The following ABCD3 variants were observed in gnomAD, a reference collection of about 807,000 sequenced individuals.
ABCD3 encodes the protein ATP-binding cassette sub-family D member 3.
In ABCD3, 41 loss-of-function variants were observed where a neutral mutation model predicts 105.5. The ratio of observed to expected loss-of-function variants is 0.39; its 90% CI spans 0.30 to 0.50. The LOEUF (loss-of-function observed/expected upper bound fraction) is 0.50. ABCD3 is among the 20% of genes least tolerant of loss of function. The pLI, the probability that ABCD3 is intolerant of heterozygous loss-of-function variation, is 0.84. For synonymous variants in ABCD3, 258 were observed against 269.0 expected (o/e 0.96, Z 0.40); for missense variants, 622 against 806.3 (o/e 0.77, Z 2.77).
intron 1 of ABCD3, among the ~76,000 whole-genome samples, chr1:94,450,846 C>T (rs914198908): frequency 2.6e-5 from 4 of 152,112 alleles, no homozygotes; most frequent in East Asian, 1.9e-4. Context: ...TACAAGTTAC[C>T]CTAGAACTTT....
the ABCD3 span, among the ~76,000 whole-genome samples, chr1:94,387,232 T>C: frequency 6.6e-6 from 1 of 152,236 alleles, no homozygotes; most frequent in South Asian, 2.1e-4. Context: ...CACTTCACTT[T>C]TCTGAGCCTC....
intron 1 of ABCD3, among the ~76,000 whole-genome samples, chr1:94,444,060 A>G (rs1156500241): frequency 6.6e-6 from 1 of 151,982 alleles, no homozygotes; most frequent in Non-Finnish European, 1.5e-5. Context: ...TCGGCTGGGC[A>G]CAGTGGCTCA....
At chr1:94,473,493 C>CT (rs982709272) in intron 4 of ABCD3, among the ~76,000 whole-genome samples, 1 of 151,966 alleles carries the variant, frequency 6.6e-6, no homozygotes, top group Non-Finnish European at 1.5e-5. Flanking sequence ...CCACTTAAGC[C>CT]TTTTTTTAAA....
the ABCD3 span, among the ~76,000 whole-genome samples, chr1:94,389,406 C>T: frequency 1.3e-5 from 2 of 152,156 alleles, no homozygotes; most frequent in Non-Finnish European, 2.9e-5. Context: ...CCTGGCCCAC[C>T]CAGGGCAGAA....
chr1:94,398,702 G>C, the ABCD3 span, among the ~76,000 whole-genome samples: 1 of 152,122 alleles, frequency 6.6e-6, no homozygotes, highest in Non-Finnish European at 1.5e-5. Context: ...TCATGAGGTC[G>C]GGAGTTAGAG....
At chr1:94,496,308 C>T (rs1322478179) in intron 16 of ABCD3, among the ~76,000 whole-genome samples, 1 of 152,124 alleles carries the variant, frequency 6.6e-6, no homozygotes, top group Non-Finnish European at 1.5e-5. Context: ...TTTGACTGCT[C>T]TAGGAATCAC....
At chr1:94,428,993 C>T (rs1218036458) in intron 1 of ABCD3, among the ~76,000 whole-genome samples, 2 of 152,118 alleles carry the variant, frequency 1.3e-5, no homozygotes, top group East Asian at 1.9e-4. Context: ...TGCTGAATGG[C>T]TTTGACAAAA....
intron 20 of ABCD3, among the ~76,000 whole-genome samples, chr1:94,503,373 C>G (rs79825344): frequency 2.7e-3 from 408 of 152,254 alleles, no homozygotes; most frequent in African/African-American, 9.4e-3. Context: ...GCTGCTCTGT[C>G]CTGACCTCCC....
At chr1:94,475,543 A>G (rs1003168517) in intron 6 of ABCD3, 71 bp from the exon 7 acceptor site, 14 of 1,498,820 alleles carry the variant, frequency 9.3e-6, no homozygotes, top group Middle Eastern at 2.3e-4. Context: ...GTGGTGTAAT[A>G]TGATTTTTTT....
the ABCD3 span, among the ~76,000 whole-genome samples, chr1:94,389,183 C>T: frequency 6.6e-6 from 1 of 152,208 alleles, no homozygotes; most frequent in Non-Finnish European, 1.5e-5. Flanking sequence ...CAAAACTATT[C>T]AAAGCCTGTC....
chr1:94,439,680 A>G (rs963191032), intron 1 of ABCD3, among the ~76,000 whole-genome samples: 1 of 152,290 alleles, frequency 6.6e-6, no homozygotes. Flanking sequence ...GTATATTTGT[A>G]TATAATTTGT....
chr1:94,502,506 T>C (rs1650147621), intron 20 of ABCD3, among the ~76,000 whole-genome samples: 1 of 151,658 alleles, frequency 6.6e-6, no homozygotes, highest in African/African-American at 2.4e-5. Flanking sequence ...AGTTTTTTTT[T>C]TTTTTTTTGA....
chr1:94,400,305 T>C, the ABCD3 span, among the ~76,000 whole-genome samples: 1 of 150,902 alleles, frequency 6.6e-6, no homozygotes, highest in Non-Finnish European at 1.5e-5. Context: ...CTCAGGAGGT[T>C]GAGGCAGGAG....
intron 16 of ABCD3, among the ~76,000 whole-genome samples, chr1:94,492,807 G>A (rs996057472): frequency 6.6e-6 from 1 of 152,154 alleles, no homozygotes; most frequent in African/African-American, 2.4e-5. Context: ...AATGAGAAAG[G>A]GGGTTGGGAT....
rs1420138415 is a variant in ABCD3 at position 94,475,200 on chromosome 1, C to T, written c.463C>T (p.Arg155Ter). The change falls in exon 6 of 23, where the codon CGA becomes TGA. Residue 155 changes from arginine to a stop codon, truncating the protein, a stop_gained. Coordinates refer to ENST00000370214, the MANE Select transcript of ABCD3 (RefSeq NM_002858.4). LOFTEE classifies it high-confidence loss of function. ...YGLNELKLCF[R>*]VRLTKYLYEE... ...GTTAAATGAGCTTAAACTGTGCTTC[C>T]GAGTAAGGCTCACTAAATACCTCTA... 4 of 1,604,736 alleles carry T rather than the reference C, an allele frequency of 2.5e-6. No individual in the cohort carries two copies. Among genetic ancestry groups the T allele is most frequent in the Admixed American group, 1.7e-5 (1 of 59,440 alleles).
At chr1:94,510,601 C>G (rs1230832046) in intron 21 of ABCD3, among the ~76,000 whole-genome samples, 1 of 152,078 alleles carries the variant, frequency 6.6e-6, no homozygotes, top group Non-Finnish European at 1.5e-5. Context: ...GTTAAAGTCT[C>G]CCATTATTAA....
chr1:94,464,658 G>A (rs1648047156), intron 2 of ABCD3, 117 bp from the exon 3 acceptor site: 1 of 888,594 alleles, frequency 1.1e-6, no homozygotes, highest in Non-Finnish European at 1.9e-6. Flanking sequence ...TCTGTGTTTT[G>A]TAAATTCAGT....
At chr1:94,488,116 TAAGG>T in intron 13 of ABCD3, 133 bp downstream of exon 13, 1 of 787,262 alleles carries the variant, frequency 1.3e-6, no homozygotes, top group Non-Finnish European at 2.1e-6. Context: ...GATAGAAAAT[TAAGG>T]AAGATTTTTC....
At chr1:94,472,847 C>T (rs1288735892) in intron 4 of ABCD3, among the ~76,000 whole-genome samples, 1 of 152,126 alleles carries the variant, frequency 6.6e-6, no homozygotes, top group Non-Finnish European at 1.5e-5. Context: ...AATTTGGGAA[C>T]ATTATTAAGT....
Sources: gnomAD v4.1 joint callset for allele counts (sites outside exome capture counted in the v4.1 genomes callset) on GRCh38, gnomAD v4.1.1 for gene constraint, MANE v1.5 for transcripts, NCBI Gene and HGNC (gene_info 2026-07-23, HGNC 2026-07-21) for gene names.